The following C14orf119 variants were observed in gnomAD, a reference collection of about 807,000 sequenced individuals.
The protein encoded by C14orf119 is uncharacterized protein C14orf119.
Under a neutral mutation model 13.5 loss-of-function variants are expected in C14orf119, and 17 were observed. The observed-to-expected ratio is 1.26, with a 90% CI of 0.86 to 1.88. The LOEUF (loss-of-function observed/expected upper bound fraction) is 1.88. Among genes scored for constraint, C14orf119 ranks in the 40% most tolerant of loss-of-function variants. C14orf119 has a pLI of 0.00. For synonymous variants in C14orf119, 61 were observed against 61.9 expected (o/e 0.99, Z 0.07); for missense variants, 162 against 165.9 (o/e 0.98, Z 0.13).
Position 23,099,615 on chromosome 14 carries a change from A to G in C14orf119, c.*1534A>G, listed in dbSNP as rs1033431351. The G allele has an allele frequency of 1.1e-5, 4 of 378,164 alleles. No homozygotes were observed. The highest frequency in any genetic ancestry group is 1.5e-4 in the South Asian group (1 of 6,536). 23.4% of individuals were successfully genotyped at this position (378,164 alleles called of 1,614,324 possible). On this transcript the variant is annotated 3_prime_UTR_variant, in exon 2 of 2. Transcript: ENST00000319074. ...TGGTCTGTTGCCCAGGCTGGAGTGC[A>G]GTGGTGTGATCTTGGCTCACCGTAA...
chr14:23,097,337 GAAGT>G (rs1331523956), intron 1 of C14orf119, among the ~76,000 whole-genome samples: 1 of 152,132 alleles, frequency 6.6e-6, no homozygotes, highest in Non-Finnish European at 1.5e-5. Flanking sequence ...CTGGCACATA[GAAGT>G]AAGAGGAAGA....
rs2048410366 is a variant in C14orf119, at chr14:23,099,214, G to C, written c.*1133G>C. 2.4e-6 allele frequency: 1 copy of C among 412,852 alleles called. No individual in the cohort carries two copies. The highest frequency in any genetic ancestry group is 4.4e-6 in the Non-Finnish European group (1 of 226,066). 25.6% of individuals were successfully genotyped at this position (412,852 alleles called of 1,614,324 possible). A position where few individuals can be genotyped will look rare whatever the true frequency, so the allele number is the denominator to read the frequency against. ...AAGTAGAAATTAAGTATACACAATA[G>C]ATTTTCCATCCAGTTGTCTCACAAG... On this transcript the variant is annotated 3_prime_UTR_variant, in exon 2 of 2. Coordinates refer to ENST00000319074, the MANE Select transcript of C14orf119 (RefSeq NM_017924.4).
chr14:23,099,742 C>G lies in C14orf119; in HGVS notation c.*1661C>G, dbSNP rs1045988205. The stretch of plus-strand genomic sequence containing the variant: ...ACCACGTCTGGCTAAGGGGCTTTAC[C>G]CTTAAAGATAGAGCTCATGAAGCCC... On this transcript the variant is annotated 3_prime_UTR_variant, in exon 2 of 2. Coordinates refer to ENST00000319074, the MANE Select transcript of C14orf119 (RefSeq NM_017924.4). The G allele has an allele frequency of 7.0e-6, 2 of 284,256 alleles. No homozygotes were observed. Among genetic ancestry groups the G allele is most frequent in the African/African-American group, 4.4e-5 (2 of 45,810 alleles). 17.6% of individuals were successfully genotyped at this position (284,256 alleles called of 1,614,324 possible). A position where few individuals can be genotyped will look rare whatever the true frequency, so the allele number is the denominator to read the frequency against.
chr14:23,096,829 G>A (rs1229344068), intron 1 of C14orf119, among the ~76,000 whole-genome samples: 1 of 151,858 alleles, frequency 6.6e-6, no homozygotes, highest in African/African-American at 2.4e-5. Context: ...CTCTTGCCTC[G>A]GCCTCTCAAA....
chr14:23,098,739 T>C lies in C14orf119; in HGVS notation c.*658T>C, dbSNP rs539600967. 1.2e-5 allele frequency: 2 copies of C among 166,428 alleles called. No homozygotes were observed. Among genetic ancestry groups the C allele is most frequent in the Non-Finnish European group, 1.5e-5 (1 of 68,488 alleles). 10.3% of individuals were successfully genotyped at this position (166,428 alleles called of 1,614,324 possible). A position where few individuals can be genotyped will look rare whatever the true frequency, so the allele number is the denominator to read the frequency against. ...TGATCATCAGTGAGCGTGAGATCAC[T>C]GTAACCTCAAATTCTAGGCTGAAGT... On this transcript the variant is annotated 3_prime_UTR_variant, in exon 2 of 2. Transcript: ENST00000319074.
rs372032552 is a variant in C14orf119 at position 23,098,766 on chromosome 14, A to G, written c.*685A>G. On this transcript the variant is annotated 3_prime_UTR_variant, in exon 2 of 2. Coordinates refer to ENST00000319074, the MANE Select transcript of C14orf119 (RefSeq NM_017924.4). ...TAACCTCAAATTCTAGGCTGAAGTA[A>G]TCTTTCTGCCTCAGTCTCCTGAGTA... 6.1e-6 allele frequency: 1 copy of G among 164,056 alleles called. No individual in the cohort carries two copies. Among genetic ancestry groups the G allele is most frequent in the Non-Finnish European group, 1.5e-5 (1 of 68,354 alleles). 10.2% of individuals were successfully genotyped at this position (164,056 alleles called of 1,614,324 possible). A position where few individuals can be genotyped will look rare whatever the true frequency, so the allele number is the denominator to read the frequency against.
At chr14:23,096,023 T>C (rs2048365638) in intron 1 of C14orf119, among the ~76,000 whole-genome samples, 2 of 152,244 alleles carry the variant, frequency 1.3e-5, no homozygotes, top group Non-Finnish European at 1.5e-5. Flanking sequence ...ACTTTTTTGG[T>C]ACTTGAACTA....
rs1018241776 is a variant in C14orf119 at position 23,095,544 on chromosome 14, A to G, written c.-77A>G. On this transcript the variant is annotated 5_prime_UTR_variant, in exon 1 of 2. Coordinates refer to ENST00000319074, the MANE Select transcript of C14orf119 (RefSeq NM_017924.4). ...TGGCCCAGCTTAGGGTTTTCAGGAA[A>G]TTTGGAAGCTGCCGCAGTAGTTGGA... The G allele has an allele frequency of 1.4e-5, 7 of 489,512 alleles. No homozygotes were observed. The highest frequency in any genetic ancestry group is 3.9e-5 in the Admixed American group (1 of 25,892). The allele number at this position is 489,512 out of a possible 1,614,324, so 30.3% of individuals were successfully genotyped here.
Position 23,098,155 on chromosome 14 carries a change from T to G in C14orf119, c.*74T>G. 1 of 1,508,416 alleles carries G rather than the reference T, an allele frequency of 6.6e-7. No individual in the cohort carries two copies. The highest frequency in any genetic ancestry group is 9.0e-7 in the Non-Finnish European group (1 of 1,105,998). 93.4% of individuals were successfully genotyped at this position (1,508,416 alleles called of 1,614,324 possible). A position where few individuals can be genotyped will look rare whatever the true frequency, so the allele number is the denominator to read the frequency against. On this transcript the variant is annotated 3_prime_UTR_variant, in exon 2 of 2. Coordinates refer to ENST00000319074, the MANE Select transcript of C14orf119 (RefSeq NM_017924.4). ...CTCTACAATGATAACTCAATTCAAATGTGTCGCCTAAAGCTCTGGAACTGG... is the reference window on the plus strand; with the variant it reads ...CTCTACAATGATAACTCAATTCAAAGGTGTCGCCTAAAGCTCTGGAACTGG...
chr14:23,095,837 TG>T (rs2140273022), intron 1 of C14orf119, among the ~76,000 whole-genome samples: 1 of 152,304 alleles, frequency 6.6e-6, no homozygotes, highest in Non-Finnish European at 1.5e-5. Context: ...AGCATCGCCG[TG>T]TCTTCGGACC....
chr14:23,099,180 T>G lies in C14orf119; in HGVS notation c.*1099T>G, dbSNP rs2048410175. ...ATATTGACAACCGGGGAAAGAGGCA[T>G]TCCAAAGAAAGTAGAAATTAAGTAT... On this transcript the variant is annotated 3_prime_UTR_variant, in exon 2 of 2. Transcript: ENST00000319074. 2.4e-6 allele frequency: 1 copy of G among 412,152 alleles called. No individual in the cohort carries two copies. 25.5% of individuals were successfully genotyped at this position (412,152 alleles called of 1,614,324 possible). A position where few individuals can be genotyped will look rare whatever the true frequency, so the allele number is the denominator to read the frequency against.
At position 23,099,327 on chromosome 14, in the gene C14orf119, C is replaced by T; in HGVS notation, c.*1246C>T. The T allele has an allele frequency of 2.4e-6, 1 of 413,462 alleles. No individual in the cohort carries two copies. The highest frequency in any genetic ancestry group is 3.6e-5 in the East Asian group (1 of 28,080). The allele number at this position is 413,462 out of a possible 1,614,324, so 25.6% of individuals were successfully genotyped here. A position where few individuals can be genotyped will look rare whatever the true frequency, so the allele number is the denominator to read the frequency against. ...TAACTGGGACCCTTGTGCTGTGGAGCTCTGGTGAATGGTAAGAGGCAGATG... is the reference window on the plus strand; with the variant it reads ...TAACTGGGACCCTTGTGCTGTGGAGTTCTGGTGAATGGTAAGAGGCAGATG... On this transcript the variant is annotated 3_prime_UTR_variant, in exon 2 of 2. Coordinates refer to ENST00000319074, the MANE Select transcript of C14orf119 (RefSeq NM_017924.4).
chr14:23,097,635 A>AT (rs2048395516), intron 1 of C14orf119, 23 bp from the exon 2 acceptor site: 1 of 1,606,980 alleles, frequency 6.2e-7, no homozygotes, highest in Admixed American at 1.7e-5. Flanking sequence ...TGGAGAGCAT[A>AT]TAACAGTGCT....
At chr14:23,097,548 G>C (rs2048394447) in intron 1 of C14orf119, 110 bp from the exon 2 acceptor site, 1 of 977,082 alleles carries the variant, frequency 1.0e-6, no homozygotes, top group Non-Finnish European at 1.5e-6. Flanking sequence ...TTCATAAAAA[G>C]TAATTTTCTC....
At position 23,098,392 on chromosome 14, in the gene C14orf119, T is replaced by G. The variant is rs2048403116; in HGVS notation, c.*311T>G. The G allele has an allele frequency of 3.3e-6, 1 of 302,420 alleles. No individual in the cohort carries two copies. Among genetic ancestry groups the G allele is most frequent in the Admixed American group, 4.5e-5 (1 of 22,104 alleles). 18.7% of individuals were successfully genotyped at this position (302,420 alleles called of 1,614,324 possible). ...ATAACCACAAGGAACCTACACATTGTAACTCAAGTCCACTGCTGGCTCATG... is the reference window on the plus strand; with the variant it reads ...ATAACCACAAGGAACCTACACATTGGAACTCAAGTCCACTGCTGGCTCATG... On this transcript the variant is annotated 3_prime_UTR_variant, in exon 2 of 2. Coordinates refer to ENST00000319074, the MANE Select transcript of C14orf119 (RefSeq NM_017924.4).
In C14orf119 at chr14:23,097,941, C is replaced by T. The variant is rs995538514; in HGVS notation, c.283C>T (p.Gln95Ter). The change falls in exon 2 of 2, where the codon CAG (glutamine) becomes TAG (stop). Residue 95 changes from glutamine (Q) to a stop codon, truncating the protein, a stop_gained. Transcript: ENST00000319074. LOFTEE classifies it high-confidence loss of function. ...ADRPPSIFEC[Q>*]LHLWDQWFRG... ...CCGACCACCTTCTATCTTTGAGTGC[C>T]AGCTACATCTTTGGGATCAGTGGTT... The T allele has an allele frequency of 1.2e-6, 2 of 1,614,056 alleles. No individual in the cohort carries two copies. Among genetic ancestry groups the T allele is most frequent in the African/African-American group, 2.7e-5 (2 of 74,918 alleles).
At chr14:23,097,054 T>C (rs1488836543) in intron 1 of C14orf119, among the ~76,000 whole-genome samples, 1 of 152,254 alleles carries the variant, frequency 6.6e-6, no homozygotes, top group Non-Finnish European at 1.5e-5. Flanking sequence ...AGGTCCTTAC[T>C]CTGCTTTTTA....
chr14:23,099,004 G>A lies in C14orf119; in HGVS notation c.*923G>A. 4.0e-6 allele frequency: 1 copy of A among 252,514 alleles called. No homozygotes were observed. Among genetic ancestry groups the A allele is most frequent in the East Asian group, 7.7e-5 (1 of 13,056 alleles). 15.6% of individuals were successfully genotyped at this position (252,514 alleles called of 1,614,324 possible). On this transcript the variant is annotated 3_prime_UTR_variant, in exon 2 of 2. Coordinates refer to ENST00000319074, the MANE Select transcript of C14orf119 (RefSeq NM_017924.4). ...TATGTATGTGATATTCTTGGAACTG[G>A]TAGCAGGTGTTCCTATTCTGTAAGT...
rs570342150 is a variant in C14orf119 at position 23,098,215 on chromosome 14, A to C, written c.*134A>C. 4.5e-5 allele frequency: 38 copies of C among 852,560 alleles called. 1 individual carries two copies. In the South Asian group the frequency reaches 5.5e-4, roughly 12 times the overall value. The allele number at this position is 852,560 out of a possible 1,614,324, so 52.8% of individuals were successfully genotyped here. On this transcript the variant is annotated 3_prime_UTR_variant, in exon 2 of 2. Transcript: ENST00000319074. ...CAGCTGACCGAACTCACTGACCAGT[A>C]CAGGCATGGTTATTTCAACATTAAT...
Sources: allele counts gnomAD v4.1 joint callset (sites outside exome capture counted in the v4.1 genomes callset), GRCh38; gene constraint gnomAD v4.1.1; transcripts MANE v1.5; gene names NCBI Gene and HGNC (gene_info 2026-07-23, HGNC 2026-07-21).